The following LUZP2 variants were observed in gnomAD, a reference collection of about 807,000 sequenced individuals.
LUZP2 encodes the protein leucine zipper protein 2.
In LUZP2, 52 loss-of-function variants were observed where a neutral mutation model predicts 51.6. The ratio of observed to expected loss-of-function variants is 1.01; its 90% CI spans 0.81 to 1.27. LUZP2 has a LOEUF of 1.27. Ranked by LOEUF, LUZP2 falls within the 50% of genes most tolerant of loss-of-function variation. The pLI, the probability that LUZP2 is intolerant of heterozygous loss-of-function variation, is 0.00. For missense variants in LUZP2, 436 were observed against 395.4 expected (o/e 1.10, Z -0.87); for synonymous variants, 154 against 137.3 (o/e 1.12, Z -0.85).
intron 1 of LUZP2, among the ~76,000 whole-genome samples, chr11:24,724,942 A>C (rs1268171082): frequency 6.6e-6 from 1 of 152,184 alleles, no homozygotes; most frequent in African/African-American, 2.4e-5. Flanking sequence ...AAAATGAGTA[A>C]ATGTAAAGAA....
At chr11:24,545,851 C>T (rs1851523458) in intron 1 of LUZP2, among the ~76,000 whole-genome samples, 1 of 151,938 alleles carries the variant, frequency 6.6e-6, no homozygotes, top group Non-Finnish European at 1.5e-5. Flanking sequence ...ATAGGAATAG[C>T]AGTGAATTTG....
At chr11:24,747,165 A>G (rs751948789) in intron 4 of LUZP2, among the ~76,000 whole-genome samples, 7 of 151,938 alleles carry the variant, frequency 4.6e-5, no homozygotes, top group Non-Finnish European at 8.8e-5. Context: ...GTTCCTTCTC[A>G]TTTGTTAGGC....
chr11:24,757,634 A>T (rs1266200466), intron 4 of LUZP2, among the ~76,000 whole-genome samples: 1 of 151,990 alleles, frequency 6.6e-6, no homozygotes, highest in African/African-American at 2.4e-5. Flanking sequence ...ACTATGAAAG[A>T]AACAAAAATC....
At chr11:24,769,657 A>G (rs1395706771) in intron 5 of LUZP2, among the ~76,000 whole-genome samples, 1 of 146,240 alleles carries the variant, frequency 6.8e-6, no homozygotes, top group Non-Finnish European at 1.5e-5. Flanking sequence ...GAGATGGGGC[A>G]GATATTTTTT....
intron 5 of LUZP2, among the ~76,000 whole-genome samples, chr11:24,842,032 GC>G (rs1851048417): frequency 6.6e-6 from 1 of 151,598 alleles, no homozygotes. Flanking sequence ...GTATTGTTAA[GC>G]TTTAAAATAG....
At chr11:24,768,003 C>G (rs1336622617) in intron 5 of LUZP2, among the ~76,000 whole-genome samples, 1 of 151,610 alleles carries the variant, frequency 6.6e-6, no homozygotes, top group Admixed American at 6.6e-5. Context: ...TATTTTACTC[C>G]TAAGATAAAA....
At chr11:25,030,489 A>T (rs1286331954) in intron 9 of LUZP2, among the ~76,000 whole-genome samples, 1 of 152,040 alleles carries the variant, frequency 6.6e-6, no homozygotes, top group Non-Finnish European at 1.5e-5. Context: ...ACATTAAAGA[A>T]TATTGACAAT....
chr11:24,798,520 T>G (rs1441294312), intron 5 of LUZP2, among the ~76,000 whole-genome samples: 2 of 152,172 alleles, frequency 1.3e-5, no homozygotes, highest in Non-Finnish European at 2.9e-5. Flanking sequence ...TTTGAAAAAC[T>G]AACAATATAT....
intron 7 of LUZP2, among the ~76,000 whole-genome samples, chr11:24,962,782 C>T (rs1182585066): frequency 1.3e-5 from 2 of 152,222 alleles, no homozygotes; most frequent in African/African-American, 4.8e-5. Context: ...ATTCTCCGTC[C>T]CGCTTTGTTC....
At chr11:25,005,860 C>T (rs895508788) in intron 9 of LUZP2, among the ~76,000 whole-genome samples, 140 of 152,184 alleles carry the variant, frequency 9.2e-4, no homozygotes, top group African/African-American at 3.1e-3. Flanking sequence ...GACACATTCT[C>T]GAGAACTTGT....
At chr11:24,840,088 GA>G (rs56823281) in intron 5 of LUZP2, among the ~76,000 whole-genome samples, 1,560 of 151,762 alleles carry the variant, frequency 0.01, 27 homozygotes, top group African/African-American at 0.036. Flanking sequence ...CTTTGTGGGG[GA>G]CAATTCTCTG....
intron 9 of LUZP2, among the ~76,000 whole-genome samples, chr11:24,985,801 T>C (rs1337972268): frequency 6.6e-6 from 1 of 151,680 alleles, no homozygotes; most frequent in Admixed American, 6.6e-5. Context: ...TGATTATGTA[T>C]TTAAATCTGG....
intron 9 of LUZP2, among the ~76,000 whole-genome samples, chr11:25,036,573 T>G (rs1857869444): frequency 6.6e-6 from 1 of 152,082 alleles, no homozygotes; most frequent in African/African-American, 2.4e-5. Context: ...GATTGCTAAT[T>G]TGAGATTCTT....
At chr11:25,008,019 C>T (rs183887747) in intron 9 of LUZP2, among the ~76,000 whole-genome samples, 4 of 152,286 alleles carry the variant, frequency 2.6e-5, no homozygotes, top group African/African-American at 9.6e-5. Context: ...ATTTAATAAA[C>T]GTTCATTTAA....
At chr11:25,073,643 A>C (rs1019076848) in intron 10 of LUZP2, among the ~76,000 whole-genome samples, 3 of 152,108 alleles carry the variant, frequency 2.0e-5, no homozygotes, top group East Asian at 3.9e-4. Context: ...ATTCGTAAGA[A>C]ACGTTTTTGC....
chr11:24,511,849 T>G (rs1850321251), intron 1 of LUZP2, among the ~76,000 whole-genome samples: 1 of 152,216 alleles, frequency 6.6e-6, no homozygotes, highest in Non-Finnish European at 1.5e-5. Context: ...TTTTTAAAAA[T>G]TTAAGTGAAT....
intron 3 of LUZP2, among the ~76,000 whole-genome samples, chr11:24,737,501 T>TGAAAAAA (rs566167641): frequency 6.7e-6 from 1 of 150,246 alleles, no homozygotes; most frequent in Non-Finnish European, 1.5e-5. Flanking sequence ...ATAGCTCGAG[T>TGAAAAAA]AAAAAAAAAT....
intron 9 of LUZP2, among the ~76,000 whole-genome samples, chr11:25,032,817 A>G (rs974357119): frequency 6.6e-6 from 1 of 152,198 alleles, no homozygotes; most frequent in Non-Finnish European, 1.5e-5. Flanking sequence ...CAATACATTC[A>G]TTGTTGATAA....
At chr11:24,887,678 C>T (rs986502195) in intron 5 of LUZP2, among the ~76,000 whole-genome samples, 2 of 152,182 alleles carry the variant, frequency 1.3e-5, no homozygotes, top group African/African-American at 2.4e-5. Flanking sequence ...GCAGAGGCAA[C>T]ATAAAATTAT....
Sources: allele counts gnomAD v4.1 joint callset (sites outside exome capture counted in the v4.1 genomes callset), GRCh38; gene constraint gnomAD v4.1.1; transcripts MANE v1.5; gene names NCBI Gene and HGNC (gene_info 2026-07-23, HGNC 2026-07-21).